The following NCOR2 variants were observed in gnomAD, a reference collection of about 807,000 sequenced individuals.
NCOR2 encodes CTG repeat protein 26.
A neutral mutation model predicts 262.9 loss-of-function variants in NCOR2; 81 were observed. The observed-to-expected ratio is 0.31, with a 90% CI of 0.26 to 0.37. The LOEUF (loss-of-function observed/expected upper bound fraction) is 0.37. Ranked by LOEUF, NCOR2 falls within the 10% of genes least tolerant of loss-of-function variation. NCOR2 has a pLI of 1.00. For missense variants in NCOR2, 3,385 were observed against 3,621.4 expected (o/e 0.93, Z 1.68); for synonymous variants, 1,659 against 1,559.3 (o/e 1.06, Z -1.51).
At chr12:124,422,631 C>T (rs2043279863) in intron 11 of NCOR2, 76 bp from the exon 14 acceptor site, 8 of 1,564,872 alleles carry the variant, frequency 5.1e-6, no homozygotes, top group Admixed American at 1.7e-5. Context: ...GGCTCCCAGG[C>T]GCCTGCCATC....
chr12:124,561,682 C>T (rs906250891), intron 1 of NCOR2, among the ~76,000 whole-genome samples: 4 of 152,108 alleles, frequency 2.6e-5, no homozygotes, highest in Non-Finnish European at 5.9e-5. Context: ...GGGGAAGACC[C>T]TCCAGGATGG....
At chr12:124,366,236 G>T (rs1322694689) in intron 20 of NCOR2, among the ~76,000 whole-genome samples, 1 of 152,088 alleles carries the variant, frequency 6.6e-6, no homozygotes, top group Admixed American at 6.5e-5. Flanking sequence ...TGCCCTGTCC[G>T]CACGATGGAA....
chr12:124,428,533 C>A (rs2136338292), intron 10 of NCOR2, among the ~76,000 whole-genome samples: 1 of 152,322 alleles, frequency 6.6e-6, no homozygotes, highest in Non-Finnish European at 1.5e-5. Flanking sequence ...CAGCCGCCCC[C>A]TCCCTGGGGC....
chr12:124,421,776 T>G (rs534335952), intron 12 of NCOR2, among the ~76,000 whole-genome samples: 8 of 152,316 alleles, frequency 5.3e-5, no homozygotes, highest in African/African-American at 1.9e-4. Context: ...ACGTCCAACA[T>G]GCAGCCTCAT....
At chr12:124,450,426 G>A (rs913686007) in intron 6 of NCOR2, among the ~76,000 whole-genome samples, 3 of 152,170 alleles carry the variant, frequency 2.0e-5, no homozygotes, top group East Asian at 1.9e-4. Context: ...ACCTGGTAAC[G>A]AACACCGACG....
intron 27 of NCOR2, among the ~76,000 whole-genome samples, chr12:124,352,510 C>T (rs2037576566): frequency 6.6e-6 from 1 of 152,062 alleles, no homozygotes; most frequent in South Asian, 2.1e-4. Context: ...GTAGCTGAGA[C>T]TACAGGTATG....
chr12:124,403,696 A>T (rs1304693216), intron 13 of NCOR2, among the ~76,000 whole-genome samples: 3 of 152,182 alleles, frequency 2.0e-5, no homozygotes, highest in Non-Finnish European at 4.4e-5. Context: ...AAGAGGAGGG[A>T]TCGGGGAGGT....
chr12:124,521,327 C>T (rs565237828), intron 1 of NCOR2, among the ~76,000 whole-genome samples: 3 of 152,180 alleles, frequency 2.0e-5, no homozygotes, highest in Non-Finnish European at 4.4e-5. Flanking sequence ...TCCTCAATCC[C>T]GGGCCCCAGG....
intron 1 of NCOR2, among the ~76,000 whole-genome samples, chr12:124,520,582 T>C (rs701038): frequency 0.17 from 25,228 of 152,158 alleles, 2,534 homozygotes; most frequent in Non-Finnish European, 0.23. Context: ...GCTTCCTGTG[T>C]CTTCCCCGCC....
In NCOR2 at chr12:124,389,534, A is replaced by G. The variant is rs2041115477; in HGVS notation, c.1877-3647T>C. On this transcript the variant is annotated intron_variant, in intron 16 of 46. Coordinates refer to ENST00000405201, the Ensembl canonical transcript of NCOR2. This position sits in a 1 kb window ranked among gnomAD's most constrained non-coding sequence, Gnocchi z 4.4. ...TCCACCCCCGGCAGACAGGGAGCAA[A>G]CAGCTTCTTCCGCCATCATCCCCCG... is the stretch of plus-strand genomic sequence containing the variant. Among the ~76,000 whole-genome samples the G allele has an allele frequency of 6.6e-6, 1 of 152,126 alleles. No homozygotes were observed. The highest frequency in any genetic ancestry group is 6.5e-5 in the Admixed American group (1 of 15,288).
chr12:124,509,162 C>G (rs933516668), intron 1 of NCOR2, among the ~76,000 whole-genome samples: 1 of 151,944 alleles, frequency 6.6e-6, no homozygotes, highest in Non-Finnish European at 1.5e-5. Flanking sequence ...GGCAACCACC[C>G]CCCCTGCACC....
chr12:124,507,542 C>T (rs1161623848), intron 1 of NCOR2, among the ~76,000 whole-genome samples: 1 of 152,122 alleles, frequency 6.6e-6, no homozygotes, highest in African/African-American at 2.4e-5. Flanking sequence ...GGCCTTGTCT[C>T]TGGCCCACCT....
intron 10 of NCOR2, 39 bp downstream of exon 12, chr12:124,429,574 G>A (rs2136344595): frequency 6.4e-7 from 1 of 1,557,640 alleles, no homozygotes; most frequent in Middle Eastern, 1.7e-4. Context: ...GGGATGCCAG[G>A]GAAAAGGAGC....
intron 2 of NCOR2, among the ~76,000 whole-genome samples, chr12:124,485,285 T>C (rs1320716704): frequency 2.6e-5 from 4 of 152,148 alleles, no homozygotes; most frequent in East Asian, 1.9e-4. Flanking sequence ...TAAGCTAAGA[T>C]GAGGCCATCC....
At chr12:124,377,303 CA>C (rs551002532) in intron 18 of NCOR2, among the ~76,000 whole-genome samples, 81 of 152,236 alleles carry the variant, frequency 5.3e-4, no homozygotes, top group African/African-American at 1.6e-3. Context: ...ACAGCTGGTG[CA>C]AACAACACAC....
intron 5 of NCOR2, among the ~76,000 whole-genome samples, chr12:124,462,796 T>G (rs908784030): frequency 2.0e-5 from 3 of 152,240 alleles, no homozygotes; most frequent in African/African-American, 7.2e-5. Flanking sequence ...GTTAATGGTA[T>G]TATTCTTCTT....
Position 124,457,832 on chromosome 12 carries a change from T to C in NCOR2, c.706-670A>G, listed in dbSNP as rs1038078422. Among the ~76,000 whole-genome samples, 12 of 151,852 alleles carry C rather than the reference T, an allele frequency of 7.9e-5. No individual in the cohort carries two copies. The highest frequency in any genetic ancestry group is 2.7e-4 in the African/African-American group (11 of 41,326). ...CCGGCCCTCGGTGTGAAGGCAGACA[T>C]TGTGCCTCGGCCAGGCCCACCAGCC... On this transcript the variant is annotated intron_variant, in intron 5 of 46. Coordinates refer to ENST00000405201, the Ensembl canonical transcript of NCOR2. The surrounding 1 kb of genome is among the most constrained non-coding windows in gnomAD (Gnocchi z 4.0).
In NCOR2 at chr12:124,552,624, T is replaced by A. The variant is rs117406903; in HGVS notation, c.-165+14684A>T. ...ACAGGCTCTGTGGGGGCAGCAAGCA[T>A]CCTCTGTAACAATGACCACAAACTC... is the stretch of plus-strand genomic sequence containing the variant. On this transcript the variant is annotated intron_variant, in intron 1 of 32. Coordinates refer to the NCOR2 transcript ENST00000458234. Among the ~76,000 whole-genome samples the A allele has an allele frequency of 3.8e-3, 586 of 152,304 alleles. 14 individuals are homozygous for A. Among genetic ancestry groups the A allele is most frequent in the Admixed American group, 0.031 (472 of 15,302 alleles).
In NCOR2 at chr12:124,531,704, G is replaced by A. The variant is rs1594005957; in HGVS notation, c.-118+3861C>T. ...GGGCCCAGGGCCCCGTCCAACTGGG[G>A]TTAAAGCCGGTCCTCCCAGAGCCCC... On this transcript the variant is annotated intron_variant, in intron 1 of 46. Transcript: ENST00000404621. The surrounding 1 kb of genome is among the most constrained non-coding windows in gnomAD (Gnocchi z 4.5). 6.6e-6 allele frequency among the ~76,000 whole-genome samples: 1 copy of A among 152,006 alleles called. No individual in the cohort carries two copies.
Sources: allele counts gnomAD v4.1 joint callset (sites outside exome capture counted in the v4.1 genomes callset), GRCh38; gene constraint gnomAD v4.1.1; non-coding constraint Gnocchi (gnomAD v3.1); transcripts MANE v1.5; gene names NCBI Gene and HGNC (gene_info 2026-07-23, HGNC 2026-07-21).